TBCEL: variants seen among roughly 807,000 people sequenced by gnomAD.
TBCEL encodes tubulin folding cofactor E like.
TBCEL carries 15 observed loss-of-function variants against 44.2 expected under a neutral mutation model. That is an observed-to-expected ratio of 0.34 (90% CI 0.23 to 0.52). The LOEUF is 0.52. TBCEL is among the 20% of genes least tolerant of loss of function. TBCEL has a pLI of 0.95. For missense variants in TBCEL, 319 were observed against 506.3 expected, an observed-to-expected ratio of 0.63 and a Z score of 3.55; for synonymous variants, 171 against 185.4, an observed-to-expected ratio of 0.92 and a Z score of 0.63.
chr11:121,062,081 AT>A (rs569486415), intron 8 of TBCEL, among the ~76,000 whole-genome samples: 81 of 150,190 alleles, frequency 5.4e-4, no homozygotes, highest in African/African-American at 1.6e-3. Context: ...TACTTTTTAA[AT>A]TTTTTTTTTA....
chr11:121,033,870 CTAGT>C (rs1485432510), intron 1 of TBCEL, among the ~76,000 whole-genome samples: 3 of 151,486 alleles, frequency 2.0e-5, no homozygotes, highest in Non-Finnish European at 4.4e-5. Flanking sequence ...ACTTACCACT[CTAGT>C]TACCCCATGT....
chr11:121,038,161 G>A (rs1038478426), intron 2 of TBCEL, among the ~76,000 whole-genome samples: 3 of 151,912 alleles, frequency 2.0e-5, no homozygotes, highest in Non-Finnish European at 4.4e-5. Context: ...AAACCATTTC[G>A]CCATGTTGAC....
rs374315901 is a variant in TBCEL, at chr11:121,090,552, A to G, written c.*3456A>G. Reference sequence around the variant, plus strand: ...TGTTGTGAACACTCTACTATTTTTCATAGGTGCTTCCTTGAAATATATGTC... The same window carrying G: ...TGTTGTGAACACTCTACTATTTTTCGTAGGTGCTTCCTTGAAATATATGTC... On this transcript the variant is annotated 3_prime_UTR_variant, in exon 9 of 9. Coordinates refer to ENST00000683345, the MANE Select transcript of TBCEL (RefSeq NM_001363644.2). 1.3e-5 allele frequency: 2 copies of G among 152,048 alleles called. No homozygotes were observed. The highest frequency in any genetic ancestry group is 6.6e-5 in the Admixed American group (1 of 15,242). The allele number at this position is 152,048 out of a possible 1,614,324, so 9.4% of individuals were successfully genotyped here.
intron 7 of TBCEL, 95 bp downstream of exon 7, chr11:121,058,566 T>C: frequency 6.7e-7 from 1 of 1,490,608 alleles, no homozygotes; most frequent in Non-Finnish European, 9.2e-7. Context: ...ACTATGAAAT[T>C]ATTCATCCTT....
intron 8 of TBCEL, among the ~76,000 whole-genome samples, chr11:121,064,893 C>T (rs1414168083): frequency 2.6e-5 from 4 of 152,064 alleles, no homozygotes; most frequent in African/African-American, 9.7e-5. Context: ...GTGGTGCAAT[C>T]TCGGCTCATT....
At chr11:121,038,873 C>G (rs2134899556) in intron 2 of TBCEL, among the ~76,000 whole-genome samples, 2 of 152,256 alleles carry the variant, frequency 1.3e-5, no homozygotes, top group East Asian at 3.9e-4. Flanking sequence ...GGCTTATTTA[C>G]TTAACTCCCT....
At chr11:121,033,650 A>G (rs1945180659) in intron 1 of TBCEL, among the ~76,000 whole-genome samples, 1 of 152,208 alleles carries the variant, frequency 6.6e-6, no homozygotes, top group African/African-American at 2.4e-5. Context: ...TTTATTTTGT[A>G]GTAAAATGTA....
intron 1 of TBCEL, among the ~76,000 whole-genome samples, chr11:121,029,262 A>G: frequency 6.6e-6 from 1 of 152,146 alleles, no homozygotes; most frequent in Non-Finnish European, 1.5e-5. Flanking sequence ...TTGGAGGGAA[A>G]AACGATTTAA....
intron 2 of TBCEL, among the ~76,000 whole-genome samples, chr11:121,045,300 GT>G (rs1945409408): frequency 6.6e-6 from 1 of 152,056 alleles, no homozygotes; most frequent in South Asian, 2.1e-4. Context: ...CATCCAAACT[GT>G]TTAGCCTGAT....
intron 2 of TBCEL, among the ~76,000 whole-genome samples, chr11:121,038,781 TC>T (rs1251952786): frequency 1.3e-5 from 2 of 152,166 alleles, no homozygotes; most frequent in African/African-American, 2.4e-5. Context: ...TCTTTCTTAA[TC>T]CTAGTTTTTT....
intron 4 of TBCEL, among the ~76,000 whole-genome samples, chr11:121,049,234 T>C (rs1323365136): frequency 6.6e-6 from 1 of 151,904 alleles, no homozygotes; most frequent in East Asian, 1.9e-4. Context: ...CTTAATCCTT[T>C]AGAGCTTTAG....
chr11:121,046,696 G>A (rs906978976), intron 3 of TBCEL, among the ~76,000 whole-genome samples: 4 of 151,938 alleles, frequency 2.6e-5, no homozygotes, highest in Admixed American at 2.0e-4. Flanking sequence ...ACCTTGATGA[G>A]TCCTTGTTTT....
At chr11:121,071,302 G>T (rs1945926806) in intron 8 of TBCEL, among the ~76,000 whole-genome samples, 1 of 152,088 alleles carries the variant, frequency 6.6e-6, no homozygotes. Context: ...GAAAAAAAAT[G>T]CAACTTTTAG....
At position 121,045,670 on chromosome 11, in the gene TBCEL, G is replaced by A; in HGVS notation, c.-17-4G>A. Reference sequence around the variant, plus strand: ...TAATTTGATTATTTCTTGGTTTCTTGTAGCATTTTAAGAAAGAAAGATGGA... The same window carrying A: ...TAATTTGATTATTTCTTGGTTTCTTATAGCATTTTAAGAAAGAAAGATGGA... On this transcript the variant is annotated splice_region_variant and splice_polypyrimidine_tract_variant and intron_variant, in intron 2 of 8. Transcript: ENST00000683345. 1 of 1,560,202 alleles carries A rather than the reference G, an allele frequency of 6.4e-7. No individual in the cohort carries two copies. Among genetic ancestry groups the A allele is most frequent in the South Asian group, 1.2e-5 (1 of 81,526 alleles).
At chr11:121,084,627 T>G (rs912805995) in intron 8 of TBCEL, among the ~76,000 whole-genome samples, 3 of 152,184 alleles carry the variant, frequency 2.0e-5, no homozygotes, top group Admixed American at 2.0e-4. Flanking sequence ...CTTTGTCCAC[T>G]TTGACATTGT....
intron 2 of TBCEL, among the ~76,000 whole-genome samples, chr11:121,042,544 A>G (rs551375448): frequency 6.6e-6 from 1 of 152,304 alleles, no homozygotes; most frequent in East Asian, 1.9e-4. Flanking sequence ...GTCTTGTACT[A>G]AAACAAACTC....
chr11:121,037,363 A>C (rs540872017), intron 2 of TBCEL, among the ~76,000 whole-genome samples: 1 of 152,356 alleles, frequency 6.6e-6, no homozygotes, highest in Admixed American at 6.5e-5. Flanking sequence ...TTTCATCCAA[A>C]GAGAGCATCC....
At chr11:121,047,472 T>C in intron 3 of TBCEL, 56 bp from the exon 4 acceptor site, 1 of 1,601,616 alleles carries the variant, frequency 6.2e-7, no homozygotes, top group Non-Finnish European at 8.5e-7. Context: ...GGGCTGAACA[T>C]ATGTAGACAA....
rs1287155784 is a variant in TBCEL, at chr11:121,058,449, C to G, written c.817C>G (p.Arg273Gly). 1 of 1,611,296 alleles carries G rather than the reference C, an allele frequency of 6.2e-7. No homozygotes were observed. Among genetic ancestry groups the G allele is most frequent in the African/African-American group, 1.3e-5 (1 of 74,654 alleles). The change falls in exon 7 of 9, where the codon CGA (arginine) becomes GGA (glycine). Residue 273 changes from arginine to glycine, a missense_variant. Coordinates refer to ENST00000683345, the MANE Select transcript of TBCEL (RefSeq NM_001363644.2). ...PLLQPYTTEERRKLVIARLPS... is the reference protein window; with the variant it reads ...PLLQPYTTEEGRKLVIARLPS... The stretch of plus-strand genomic sequence containing the variant: ...TCTGCAGCCATATACCACCGAGGAG[C>G]GAAGGAAATTGGTAATAGCCAGGTC...
Sources: allele counts gnomAD v4.1 joint callset (sites outside exome capture counted in the v4.1 genomes callset), GRCh38; gene constraint gnomAD v4.1.1; transcripts MANE v1.5; gene names NCBI Gene and HGNC (gene_info 2026-07-23, HGNC 2026-07-21).